Variants in DLGAP1 observed in about 807,000 individuals in gnomAD.
The protein encoded by DLGAP1 is disks large-associated protein 1.
Under a neutral mutation model 90.8 loss-of-function variants are expected in DLGAP1, and 11 were observed. The ratio of observed to expected loss-of-function variants is 0.12; its 90% confidence interval spans 0.08 to 0.20. The LOEUF is 0.20. Ranked by LOEUF, DLGAP1 falls within the 10% of genes least tolerant of loss-of-function variation. The pLI, the probability that DLGAP1 is intolerant of heterozygous loss-of-function variation, is 1.00. For missense variants in DLGAP1, 1,050 were observed against 1,333.8 expected (o/e 0.79, Z 3.31); for synonymous variants, 558 against 540.7 (o/e 1.03, Z -0.44).
chr18:4,056,063 A>G (rs150025479), intron 2 of DLGAP1, among the ~76,000 whole-genome samples: 1 of 152,338 alleles, frequency 6.6e-6, no homozygotes, highest in East Asian at 1.9e-4. Context: ...AGATAGATAC[A>G]TATTCATGTG....
At chr18:4,407,963 C>T (rs1187265012) in intron 1 of DLGAP1, among the ~76,000 whole-genome samples, 1 of 152,110 alleles carries the variant, frequency 6.6e-6, no homozygotes, top group Admixed American at 6.5e-5. Context: ...GCAGCAGGTG[C>T]TATCATACAC....
At chr18:4,122,022 G>T (rs1352078511) in intron 2 of DLGAP1, among the ~76,000 whole-genome samples, 1 of 152,190 alleles carries the variant, frequency 6.6e-6, no homozygotes, top group African/African-American at 2.4e-5. Flanking sequence ...TCTGACTCCA[G>T]CATCTGTGAG....
intron 7 of DLGAP1, among the ~76,000 whole-genome samples, chr18:3,626,301 A>G (rs1320592697): frequency 1.3e-5 from 2 of 151,392 alleles, no homozygotes; most frequent in Non-Finnish European, 2.9e-5. Flanking sequence ...AAAAAAGAAA[A>G]AAAAAAAAAA....
chr18:3,659,392 T>TACAC (rs1491197412), intron 7 of DLGAP1, among the ~76,000 whole-genome samples: 3 of 70,266 alleles, frequency 4.3e-5, no homozygotes. Context: ...CACATACATT[T>TACAC]ATACACACAC....
In DLGAP1 at chr18:3,661,703, C is replaced by T. The variant is rs192636164; in HGVS notation, c.1591+67432G>A. Among the ~76,000 whole-genome samples, 153 of 151,606 alleles carry T rather than the reference C, an allele frequency of 1.0e-3. 1 individual carries two copies. Among genetic ancestry groups the T allele is most frequent in the African/African-American group, 3.3e-3 (137 of 41,342 alleles). ...GCAATTCTCATGCCTCAGCCTCCCACGTAGCTGGGATTACAGGCGCCTGCC... is the reference window on the plus strand; with the variant it reads ...GCAATTCTCATGCCTCAGCCTCCCATGTAGCTGGGATTACAGGCGCCTGCC... On this transcript the variant is annotated intron_variant, in intron 7 of 12. Coordinates refer to ENST00000315677, the MANE Select transcript of DLGAP1 (RefSeq NM_004746.4).
chr18:4,087,135 C>CAT lies in DLGAP1; in HGVS notation c.-159+64043_-159+64044dup, dbSNP rs1246770811. On this transcript the variant is annotated intron_variant, in intron 2 of 12. Coordinates refer to ENST00000315677, the MANE Select transcript of DLGAP1 (RefSeq NM_004746.4). ...ATATATACACACACACATTCTGAGA[C>CAT]ATATATATATCTCAGAAGAAGGTTG... 2.7e-5 allele frequency among the ~76,000 whole-genome samples: 4 copies of CAT among 147,246 alleles called. 1 individual carries two copies. Among genetic ancestry groups the CAT allele is most frequent in the South Asian group, 4.3e-4 (2 of 4,682 alleles).
chr18:3,640,577 A>C (rs1342803931), intron 7 of DLGAP1, among the ~76,000 whole-genome samples: 1 of 152,250 alleles, frequency 6.6e-6, no homozygotes, highest in Non-Finnish European at 1.5e-5. Context: ...GTGGTTCCCC[A>C]GTGTCCCACT....
intron 4 of DLGAP1, among the ~76,000 whole-genome samples, chr18:3,825,114 C>T (rs11873667): frequency 0.17 from 25,485 of 152,052 alleles, 2,216 homozygotes; most frequent in African/African-American, 0.21. Context: ...ATGATACACT[C>T]AATAGTTATC....
intron 8 of DLGAP1, among the ~76,000 whole-genome samples, chr18:3,574,779 TTTTTATTTTATTTTA>T (rs71366687): frequency 0.075 from 10,633 of 140,914 alleles, 596 homozygotes; most frequent in African/African-American, 0.15. Flanking sequence ...ATAATGTGCC[TTTTTATTTTATTTTA>T]TTTTATTTTA....
At chr18:4,069,338 C>T (rs1205335139) in intron 2 of DLGAP1, among the ~76,000 whole-genome samples, 3 of 152,158 alleles carry the variant, frequency 2.0e-5, no homozygotes, top group African/African-American at 7.2e-5. Flanking sequence ...GAAAATCATG[C>T]CTTGGGGATT....
intron 5 of DLGAP1, among the ~76,000 whole-genome samples, chr18:3,753,763 A>C (rs2063597003): frequency 6.6e-6 from 1 of 152,182 alleles, no homozygotes; most frequent in African/African-American, 2.4e-5. Flanking sequence ...CAAAGGTGGA[A>C]GACTTGTTGG....
At chr18:4,279,935 T>C (rs543509933) in intron 1 of DLGAP1, among the ~76,000 whole-genome samples, 1 of 152,342 alleles carries the variant, frequency 6.6e-6, no homozygotes, top group Admixed American at 6.5e-5. Flanking sequence ...ATCTGATTTA[T>C]TCGTTAAACA....
intron 1 of DLGAP1, among the ~76,000 whole-genome samples, chr18:4,192,869 T>G (rs562557519): frequency 7.9e-5 from 12 of 152,186 alleles, no homozygotes; most frequent in Non-Finnish European, 1.6e-4. Flanking sequence ...TGACAGAAGT[T>G]GTTCACGTTG....
chr18:4,031,796 G>A (rs557681335), intron 2 of DLGAP1, among the ~76,000 whole-genome samples: 2 of 152,270 alleles, frequency 1.3e-5, no homozygotes, highest in South Asian at 4.1e-4. Flanking sequence ...GTAAGGAAAT[G>A]ATTCATAAAT....
intron 7 of DLGAP1, among the ~76,000 whole-genome samples, chr18:3,690,829 C>T (rs2060869370): frequency 6.6e-6 from 1 of 152,194 alleles, no homozygotes; most frequent in African/African-American, 2.4e-5. Context: ...CTCTACATCT[C>T]ATGCTGCTAA....
At chr18:4,199,110 G>A (rs2077559374) in intron 1 of DLGAP1, among the ~76,000 whole-genome samples, 2 of 152,226 alleles carry the variant, frequency 1.3e-5, no homozygotes, top group Admixed American at 1.3e-4. Flanking sequence ...GCATTTGCAA[G>A]TGTGAAATTG....
chr18:3,551,573 C>T (rs918186627), intron 9 of DLGAP1, among the ~76,000 whole-genome samples: 3 of 151,850 alleles, frequency 2.0e-5, no homozygotes, highest in African/African-American at 7.3e-5. Context: ...TTTCTATGAA[C>T]ACTTTTCTTT....
At chr18:3,676,751 A>G (rs11081064) in intron 7 of DLGAP1, among the ~76,000 whole-genome samples, 42,024 of 151,686 alleles carry the variant, frequency 0.28, 7,486 homozygotes, top group African/African-American at 0.51. Flanking sequence ...AACATTAACC[A>G]ATTAATTAGA....
At chr18:3,675,375 A>T (rs1250251429) in intron 7 of DLGAP1, among the ~76,000 whole-genome samples, 1 of 152,164 alleles carries the variant, frequency 6.6e-6, no homozygotes, top group African/African-American at 2.4e-5. Flanking sequence ...GTACCCAGCC[A>T]GGGTTAGCTG....
Sources: allele counts gnomAD v4.1 joint callset (sites outside exome capture counted in the v4.1 genomes callset), GRCh38; gene constraint gnomAD v4.1.1; transcripts MANE v1.5; gene names NCBI Gene and HGNC (gene_info 2026-07-23, HGNC 2026-07-21).